The following SAMD12 variants were observed in gnomAD, a reference collection of about 807,000 sequenced individuals.
SAMD12 encodes sterile alpha motif domain containing 12, also known as sterile alpha motif domain-containing protein 12.
SAMD12 carries 9 observed loss-of-function variants against 15.0 expected under a neutral mutation model. The observed-to-expected ratio is 0.60, with a 90% confidence interval of 0.36 to 1.05. SAMD12 has a LOEUF of 1.05. Among genes scored for constraint, SAMD12 ranks in the 50% least tolerant of loss-of-function variants. The probability of loss-of-function intolerance (pLI) is 0.01; values close to 1 mark genes in which losing one functional copy is unlikely to be tolerated. For synonymous variants in SAMD12, 86 were observed against 90.1 expected, an observed-to-expected ratio of 0.96 and a Z score of 0.25; for missense variants, 230 against 234.2, an observed-to-expected ratio of 0.98 and a Z score of 0.12.
intron 3 of SAMD12, among the ~76,000 whole-genome samples, chr8:118,382,918 G>A (rs959880204): frequency 2.5e-4 from 38 of 151,942 alleles, no homozygotes; most frequent in African/African-American, 9.2e-4. Flanking sequence ...TCCGATTCAC[G>A]GTCTTCTTTG....
downstream of SAMD12, among the ~76,000 whole-genome samples, chr8:118,186,159 AG>A (rs1158299126): frequency 1.3e-5 from 2 of 152,206 alleles, no homozygotes; most frequent in African/African-American, 4.8e-5. Context: ...CTCTAGGACA[AG>A]GGTAAAGTAC....
At chr8:118,429,501 T>C (rs928400503) in intron 3 of SAMD12, among the ~76,000 whole-genome samples, 2 of 152,220 alleles carry the variant, frequency 1.3e-5, no homozygotes, top group Non-Finnish European at 2.9e-5. Context: ...ATTTGATCTA[T>C]ACATAAAAAT....
chr8:118,569,100 A>T (rs1377560155), intron 2 of SAMD12, among the ~76,000 whole-genome samples: 3 of 152,216 alleles, frequency 2.0e-5, no homozygotes, highest in African/African-American at 7.2e-5. Flanking sequence ...TTTGGCCAAA[A>T]TGCAAATTTG....
chr8:118,284,503 T>C lies in SAMD12; in HGVS notation c.434-86771A>G, dbSNP rs1303202080. On this transcript the variant is annotated intron_variant, in intron 4 of 4. Transcript: ENST00000409003. Reference sequence around the variant, plus strand: ...GAATCTGAAATAGTCCCTCTTACTCTTTCCATCTAGACAAAAATGGAACAT... The same window carrying C: ...GAATCTGAAATAGTCCCTCTTACTCCTTCCATCTAGACAAAAATGGAACAT... 5.7e-6 allele frequency: 2 copies of C among 352,812 alleles called. 1 individual carries two copies. The highest frequency in any genetic ancestry group is 4.4e-5 in the South Asian group (2 of 45,386). 21.9% of individuals were successfully genotyped at this position (352,812 alleles called of 1,614,324 possible).
chr8:118,543,631 C>CTTTTTTTTTTTTTTT (rs397978436), intron 2 of SAMD12, among the ~76,000 whole-genome samples: 29 of 116,614 alleles, frequency 2.5e-4, no homozygotes, highest in African/African-American at 8.4e-4. Context: ...TTCTTTCTTT[C>CTTTTTTTTTTTTTTT]TTTTTTTTTT....
At chr8:118,152,454 C>CCTCCCTTCCTTCCTT in the SAMD12 span, among the ~76,000 whole-genome samples, 4 of 144,278 alleles carry the variant, frequency 2.8e-5, no homozygotes, top group South Asian at 2.2e-4. Flanking sequence ...CTCCCTCCCT[C>CCTCCCTTCCTTCCTT]CCTACCTTCC....
At chr8:118,463,988 CTA>C (rs770721184) in intron 2 of SAMD12, among the ~76,000 whole-genome samples, 6 of 152,148 alleles carry the variant, frequency 3.9e-5, no homozygotes, top group Non-Finnish European at 5.9e-5. Flanking sequence ...CTCTGTGAGA[CTA>C]TGTCTGAGTT....
chr8:118,440,673 CACACACACACACACACACACACAA>C (rs1378338257), intron 2 of SAMD12, among the ~76,000 whole-genome samples: 4 of 148,474 alleles, frequency 2.7e-5, no homozygotes, highest in Non-Finnish European at 4.4e-5. Context: ...CACACACACA[CACACACACACACACACACACACAA>C]ACACACACAC....
chr8:118,207,812 C>T (rs776624369), intron 4 of SAMD12, among the ~76,000 whole-genome samples: 1 of 152,096 alleles, frequency 6.6e-6, no homozygotes, highest in Non-Finnish European at 1.5e-5. Context: ...ACAATGTTCT[C>T]TAAGATTCAC....
intron 4 of SAMD12, among the ~76,000 whole-genome samples, chr8:118,351,234 A>T (rs1184419866): frequency 1.3e-5 from 2 of 152,210 alleles, no homozygotes; most frequent in Non-Finnish European, 2.9e-5. Context: ...ACCTCGTAAA[A>T]TGGTCTGATC....
exon 5 of SAMD12, chr8:118,197,489 G>C (rs966440783): frequency 1.7e-6 from 1 of 596,000 alleles, no homozygotes; most frequent in Non-Finnish European, 3.0e-6. Context: ...CACTTGGAAT[G>C]AGTTGGCATT....
chr8:118,592,236 A>T (rs1476008059), intron 1 of SAMD12, among the ~76,000 whole-genome samples: 1 of 152,122 alleles, frequency 6.6e-6, no homozygotes, highest in African/African-American at 2.4e-5. Flanking sequence ...CAGGAGAATC[A>T]CTTGAACCTG....
At chr8:118,456,031 T>A (rs1823239834) in intron 2 of SAMD12, among the ~76,000 whole-genome samples, 1 of 152,224 alleles carries the variant, frequency 6.6e-6, no homozygotes, top group African/African-American at 2.4e-5. Context: ...AACTTATAAA[T>A]ATGTAAACCT....
intron 2 of SAMD12, among the ~76,000 whole-genome samples, chr8:118,555,552 C>T (rs1826505103): frequency 6.6e-6 from 1 of 152,162 alleles, no homozygotes. Flanking sequence ...CATACAAAGC[C>T]TTTTGTTAAT....
At chr8:118,473,931 A>G (rs1025576161) in intron 2 of SAMD12, among the ~76,000 whole-genome samples, 3 of 152,082 alleles carry the variant, frequency 2.0e-5, no homozygotes, top group Non-Finnish European at 4.4e-5. Context: ...ATCCCCACAC[A>G]GTATTACTAG....
At chr8:118,302,190 G>A (rs1815080901) in intron 4 of SAMD12, among the ~76,000 whole-genome samples, 1 of 148,100 alleles carries the variant, frequency 6.8e-6, no homozygotes, top group South Asian at 2.1e-4. Context: ...GAATTTGGAT[G>A]CCTTTCAGGG....
intron 4 of SAMD12, among the ~76,000 whole-genome samples, chr8:118,202,350 T>C (rs574020140): frequency 6.6e-6 from 1 of 152,308 alleles, no homozygotes; most frequent in Middle Eastern, 3.4e-3. Context: ...GTCAAGCCTT[T>C]GCAACTCCCA....
At position 118,316,031 on chromosome 8, in the gene SAMD12, C is replaced by T. The variant is rs946918850; in HGVS notation, c.433+63529G>A. ...ATAAAATGAATCATACAAACATTGT[C>T]AGCTTATTTTTGCGTAATGGCATTA... On this transcript the variant is annotated intron_variant, in intron 4 of 4. Transcript: ENST00000409003. 3.9e-5 allele frequency among the ~76,000 whole-genome samples: 6 copies of T among 152,270 alleles called. No individual in the cohort carries two copies. In the East Asian group the frequency reaches 1.2e-3, roughly 29 times the overall value.
the SAMD12 span, among the ~76,000 whole-genome samples, chr8:118,160,946 A>T: frequency 6.6e-6 from 1 of 151,756 alleles, no homozygotes; most frequent in Non-Finnish European, 1.5e-5. Flanking sequence ...CTGCCCCCGC[A>T]CCCCACCCCA....
Sources: gnomAD v4.1 joint callset for allele counts (sites outside exome capture counted in the v4.1 genomes callset) on GRCh38, gnomAD v4.1.1 for gene constraint, MANE v1.5 for transcripts, NCBI Gene and HGNC (gene_info 2026-07-23, HGNC 2026-07-21) for gene names.